Variants in RAPGEF6 observed in about 807,000 individuals in gnomAD.
RAPGEF6 encodes the protein Rap guanine nucleotide exchange factor 6.
RAPGEF6 carries 56 observed loss-of-function variants against 171.4 expected under a neutral mutation model. The ratio of observed to expected loss-of-function variants is 0.33; its 90% confidence interval spans 0.26 to 0.41. RAPGEF6 has a LOEUF of 0.41. Ranked by LOEUF, RAPGEF6 falls within the 10% of genes least tolerant of loss-of-function variation. RAPGEF6 has a pLI of 1.00. For synonymous variants in RAPGEF6, 692 were observed against 650.1 expected (o/e 1.06, Z -0.98); for missense variants, 1,674 against 1,921.4 (o/e 0.87, Z 2.41).
intron 3 of RAPGEF6, among the ~76,000 whole-genome samples, chr5:131,601,754 C>A (rs770003386): frequency 6.6e-6 from 1 of 152,142 alleles, no homozygotes. Flanking sequence ...GCACAATTGG[C>A]CGGGCGCAGT....
chr5:131,474,075 G>A (rs1754932579), intron 16 of RAPGEF6, among the ~76,000 whole-genome samples: 1 of 152,136 alleles, frequency 6.6e-6, no homozygotes, highest in Non-Finnish European at 1.5e-5. Flanking sequence ...ATCTCCCCCA[G>A]GAATACTGAA....
Position 131,519,229 on chromosome 5 carries a change from A to G in RAPGEF6, c.627+2161T>C, listed in dbSNP as rs77358480. ...GTGCTAATATAAGTGCAATGCTCCT[A>G]TAGGAGCTCCTGTAGTATCTTTGCA... On this transcript the variant is annotated intron_variant, in intron 7 of 27. Transcript: ENST00000509018. Among the ~76,000 whole-genome samples the G allele has an allele frequency of 6.4e-3, 974 of 152,278 alleles. 6 individuals are homozygous for G. The highest frequency in any genetic ancestry group is 0.022 in the African/African-American group (924 of 41,560).
chr5:131,635,007 G>C lies in RAPGEF6; in HGVS notation c.24C>G (p.Gly8=). The change falls in exon 1 of 28, where the codon GGC becomes GGG. Residue 8 remains glycine, a synonymous_variant. Coordinates refer to ENST00000509018, the MANE Select transcript of RAPGEF6 (RefSeq NM_016340.6). MNSPVDP[G]ARQALRKKPP... ...GCTTCTTCCTCAACGCCTGCCTAGCGCCAGGGTCCACGGGTGAGTTCATGG... is the reference window on the plus strand; with the variant it reads ...GCTTCTTCCTCAACGCCTGCCTAGCCCCAGGGTCCACGGGTGAGTTCATGG... 5.0e-6 allele frequency: 8 copies of C among 1,613,700 alleles called. No individual in the cohort carries two copies. Among genetic ancestry groups the C allele is most frequent in the Non-Finnish European group, 6.8e-6 (8 of 1,179,752 alleles).
At chr5:131,531,982 C>A in intron 6 of RAPGEF6, 4 of 290,464 alleles carry the variant, frequency 1.4e-5, no homozygotes, top group East Asian at 9.6e-5. Context: ...ATGAGAAAGA[C>A]TACTTTGTAG....
chr5:131,437,875 TA>T (rs2149810274), intron 24 of RAPGEF6, among the ~76,000 whole-genome samples: 1 of 152,292 alleles, frequency 6.6e-6, no homozygotes, highest in Admixed American at 6.5e-5. Flanking sequence ...CATGAGGCTT[TA>T]TAAATATTAT....
chr5:131,624,942 G>A (rs1442934197), intron 1 of RAPGEF6, among the ~76,000 whole-genome samples: 11 of 151,990 alleles, frequency 7.2e-5, no homozygotes, highest in Non-Finnish European at 1.2e-4. Context: ...GACCAACAAG[G>A]AGAAACCCCG....
At chr5:131,505,691 A>G (rs1457152369) in intron 9 of RAPGEF6, among the ~76,000 whole-genome samples, 169 bp from the exon 10 acceptor site, 1 of 152,212 alleles carries the variant, frequency 6.6e-6, no homozygotes, top group Non-Finnish European at 1.5e-5. Flanking sequence ...TATGCAAACT[A>G]CTAAAGTTTA....
chr5:131,627,916 G>GT (rs1365851482), intron 1 of RAPGEF6, among the ~76,000 whole-genome samples: 1 of 152,138 alleles, frequency 6.6e-6, no homozygotes, highest in East Asian at 1.9e-4. Flanking sequence ...TGTTACTACT[G>GT]TAATTGTTTT....
intron 17 of RAPGEF6, 177 bp downstream of exon 17, chr5:131,472,410 G>C: frequency 1.3e-6 from 1 of 771,786 alleles, no homozygotes; most frequent in South Asian, 1.5e-5. Context: ...TTTCACTTTA[G>C]AGGAAGTACC....
At chr5:131,604,716 T>G (rs756350572) in intron 1 of RAPGEF6, 23 bp from the exon 2 acceptor site, 2 of 1,583,460 alleles carry the variant, frequency 1.3e-6, no homozygotes, top group South Asian at 1.2e-5. Flanking sequence ...AGAAAAAAAT[T>G]AGATTATTTT....
intron 1 of RAPGEF6, among the ~76,000 whole-genome samples, chr5:131,620,564 T>C (rs1036935867): frequency 6.6e-6 from 1 of 152,200 alleles, no homozygotes. Flanking sequence ...CTGAAATAAC[T>C]GGATTCTAAA....
rs754491466 is a variant in RAPGEF6, at chr5:131,562,048, C to G, written c.282-1G>C. The G allele has an allele frequency of 6.4e-7, 1 of 1,563,290 alleles. No individual in the cohort carries two copies. ...TTTTCCTCCAAACTGCTTACCAAAA[C>G]TATAAAAACAGAAAAACAATTTCTT... On this transcript the variant is annotated splice_acceptor_variant, in intron 4 of 27. Transcript: ENST00000509018. LOFTEE classifies it high-confidence loss of function.
chr5:131,456,051 G>T, intron 19 of RAPGEF6, 39 bp from the exon 20 acceptor site: 1 of 1,548,350 alleles, frequency 6.5e-7, no homozygotes. Context: ...AAAGAAACTT[G>T]GGGAAAGGGG....
At chr5:131,551,411 C>A (rs1760917865) in intron 5 of RAPGEF6, among the ~76,000 whole-genome samples, 1 of 151,144 alleles carries the variant, frequency 6.6e-6, no homozygotes. Context: ...ACTCGGGAGG[C>A]TGAGGCAGAA....
chr5:131,632,860 G>C (rs575776254), intron 1 of RAPGEF6, among the ~76,000 whole-genome samples: 48 of 152,238 alleles, frequency 3.2e-4, no homozygotes, highest in African/African-American at 1.1e-3. Context: ...CACTACCAAT[G>C]CATCAGTTAA....
chr5:131,604,753 C>T, intron 1 of RAPGEF6, 60 bp from the exon 2 acceptor site: 1 of 1,517,832 alleles, frequency 6.6e-7, no homozygotes. Context: ...AAATATAAGG[C>T]ACCCCACAAT....
rs1229977875 is a variant in RAPGEF6, at chr5:131,461,772, G to A, written c.2797C>T (p.His933Tyr). 1.9e-6 allele frequency: 3 copies of A among 1,612,166 alleles called. No individual in the cohort carries two copies. In the Admixed American group the frequency reaches 5.0e-5, roughly 27 times the overall value. ...NQLKRMKIIKHFIKIALHCRE... is the reference protein window; with the variant it reads ...NQLKRMKIIKYFIKIALHCRE... ...CAATGAAGTGCAATTTTAATAAAAT[G>A]CTTAATAATCTTCATTCGTTTGAGC... The change falls in exon 19 of 28, where the codon CAT (histidine) becomes TAT (tyrosine). Residue 933 changes from histidine to tyrosine, a missense_variant. By Grantham distance (83) the His-to-Tyr change is moderately conservative. Transcript: ENST00000509018.
intron 5 of RAPGEF6, among the ~76,000 whole-genome samples, chr5:131,549,960 C>T (rs752327100): frequency 1.3e-5 from 2 of 152,014 alleles, no homozygotes; most frequent in South Asian, 2.1e-4. Flanking sequence ...TTCCACAGTA[C>T]GACAGTCCTA....
intron 4 of RAPGEF6, 75 bp downstream of exon 4, chr5:131,592,308 C>A: frequency 6.4e-7 from 1 of 1,555,034 alleles, no homozygotes. Flanking sequence ...GTATCACTTA[C>A]TGAAAGAAAA....
Sources: gnomAD v4.1 joint callset for allele counts (sites outside exome capture counted in the v4.1 genomes callset) on GRCh38, gnomAD v4.1.1 for gene constraint, MANE v1.5 for transcripts, NCBI Gene and HGNC (gene_info 2026-07-23, HGNC 2026-07-21) for gene names.